Variants in HPSE2 observed in about 807,000 individuals in gnomAD.
HPSE2 encodes heparanase 2 (inactive).
Under a neutral mutation model 60.5 loss-of-function variants are expected in HPSE2, and 38 were observed. The ratio of observed to expected loss-of-function variants is 0.63; its 90% CI spans 0.48 to 0.82. HPSE2 has a LOEUF of 0.82. Ranked by LOEUF, HPSE2 falls within the 40% of genes least tolerant of loss-of-function variation. HPSE2 has a pLI of 0.00. For synonymous variants in HPSE2, 295 were observed against 293.2 expected (o/e 1.01, Z -0.06); for missense variants, 713 against 740.4 (o/e 0.96, Z 0.43).
At chr10:98,511,151 G>GT (rs898940946) in intron 9 of HPSE2, among the ~76,000 whole-genome samples, 1 of 147,460 alleles carries the variant, frequency 6.8e-6, no homozygotes, top group African/African-American at 2.5e-5. Context: ...GTTTGTTTTT[G>GT]TTTTTTGTTT....
At chr10:98,803,608 G>A (rs1290143430) in intron 3 of HPSE2, among the ~76,000 whole-genome samples, 1 of 151,768 alleles carries the variant, frequency 6.6e-6, no homozygotes, top group Non-Finnish European at 1.5e-5. Flanking sequence ...TTTTTCTCAG[G>A]TTTGTCAAAG....
At chr10:98,851,637 A>T (rs1952176163) in intron 3 of HPSE2, among the ~76,000 whole-genome samples, 1 of 152,162 alleles carries the variant, frequency 6.6e-6, no homozygotes, top group South Asian at 2.1e-4. Flanking sequence ...AATCTTCCTT[A>T]AAAAATTCCC....
intron 3 of HPSE2, among the ~76,000 whole-genome samples, chr10:99,049,391 T>C (rs778667278): frequency 3.3e-5 from 5 of 152,014 alleles, no homozygotes; most frequent in Non-Finnish European, 2.9e-5. Flanking sequence ...TCCAAAACGA[T>C]AAAATATAAA....
At chr10:98,590,297 G>A (rs998812929) in intron 9 of HPSE2, among the ~76,000 whole-genome samples, 25 of 152,106 alleles carry the variant, frequency 1.6e-4, no homozygotes, top group African/African-American at 5.8e-4. Context: ...AAAAAAATTA[G>A]CCAAGGGTGA....
chr10:99,235,716 C>CA lies in HPSE2; in HGVS notation c.86dup (p.Leu29PhefsTer36), dbSNP rs758984381. Reference sequence around the variant, plus strand: ...AAAGGGAGAGATGGAGCAACAGAGCCAAGTAGAGAGCCCCCGGGGCTAGGC... The same window carrying CA: ...AAAGGGAGAGATGGAGCAACAGAGCCAAAGTAGAGAGCCCCCGGGGCTAGGC... On this transcript the variant is annotated frameshift_variant, in exon 1 of 12. Transcript: ENST00000370552. LOFTEE classifies it high-confidence loss of function. 6.2e-7 allele frequency: 1 copy of CA among 1,613,860 alleles called. No homozygotes were observed. Among genetic ancestry groups the CA allele is most frequent in the Non-Finnish European group, 8.5e-7 (1 of 1,180,022 alleles).
At chr10:99,210,790 T>C (rs1199608330) in intron 2 of HPSE2, among the ~76,000 whole-genome samples, 2 of 152,180 alleles carry the variant, frequency 1.3e-5, no homozygotes, top group Non-Finnish European at 2.9e-5. Flanking sequence ...AAAGGCCATG[T>C]ATGACAAACT....
At chr10:98,630,577 C>A (rs1946342916) in intron 7 of HPSE2, among the ~76,000 whole-genome samples, 1 of 151,876 alleles carries the variant, frequency 6.6e-6, no homozygotes, top group Non-Finnish European at 1.5e-5. Flanking sequence ...AAGCCTATTT[C>A]AAATGTTATT....
At chr10:99,255,596 G>T in the HPSE2 span, among the ~76,000 whole-genome samples, 2 of 130,538 alleles carry the variant, frequency 1.5e-5, no homozygotes, top group Non-Finnish European at 3.5e-5. Flanking sequence ...ACACACACAC[G>T]ACTACAATAG....
At chr10:99,272,450 G>T in the HPSE2 span, among the ~76,000 whole-genome samples, 18 of 152,146 alleles carry the variant, frequency 1.2e-4, 1 homozygote, top group East Asian at 3.5e-3. Context: ...TAACTGAAAA[G>T]CTTCTGCACA....
At chr10:99,176,246 G>A (rs1175034047) in intron 2 of HPSE2, among the ~76,000 whole-genome samples, 1 of 152,112 alleles carries the variant, frequency 6.6e-6, no homozygotes, top group Non-Finnish European at 1.5e-5. Context: ...CTCCAGCAAG[G>A]AAACAAAACT....
chr10:98,599,895 C>T (rs1265121458), intron 9 of HPSE2, among the ~76,000 whole-genome samples: 1 of 152,160 alleles, frequency 6.6e-6, no homozygotes, highest in Non-Finnish European at 1.5e-5. Context: ...TACTCCCAGC[C>T]TTCTTTTTTG....
At chr10:99,098,249 A>G (rs956488761) in intron 3 of HPSE2, among the ~76,000 whole-genome samples, 2 of 152,208 alleles carry the variant, frequency 1.3e-5, no homozygotes, top group African/African-American at 4.8e-5. Context: ...CAAAACAACT[A>G]TTTACATAGA....
intron 3 of HPSE2, among the ~76,000 whole-genome samples, chr10:98,897,982 T>G (rs1953544026): frequency 6.6e-6 from 1 of 151,960 alleles, no homozygotes; most frequent in Non-Finnish European, 1.5e-5. Context: ...CAAAGAACTC[T>G]TAGAACTCAA....
intron 3 of HPSE2, among the ~76,000 whole-genome samples, chr10:98,953,859 C>A (rs1238959863): frequency 6.6e-6 from 1 of 152,170 alleles, no homozygotes; most frequent in Non-Finnish European, 1.5e-5. Flanking sequence ...GCTTCTTCAT[C>A]TTTAAACTGG....
intron 3 of HPSE2, among the ~76,000 whole-genome samples, chr10:99,123,043 G>T (rs1026221259): frequency 1.2e-4 from 19 of 152,098 alleles, no homozygotes; most frequent in African/African-American, 4.1e-4. Flanking sequence ...TTTAAAAACA[G>T]TGTAGACAAA....
In HPSE2 at chr10:98,574,046, C is replaced by A. The variant is rs116649758; in HGVS notation, c.1320+40858G>T. 4.1e-3 allele frequency among the ~76,000 whole-genome samples: 617 copies of A among 152,158 alleles called. 4 individuals carry two copies. The highest frequency in any genetic ancestry group is 0.014 in the African/African-American group (585 of 41,508). ...CATCCCTCAGCTCTCATCCCCCAAC[C>A]CCTTACCCCACCCCTCACGCCTAGG... On this transcript the variant is annotated intron_variant, in intron 9 of 11. Transcript: ENST00000370552.
intron 3 of HPSE2, among the ~76,000 whole-genome samples, chr10:99,009,841 C>G (rs1174241921): frequency 6.6e-6 from 1 of 152,038 alleles, no homozygotes; most frequent in African/African-American, 2.4e-5. Context: ...ATAGCAACTA[C>G]CATTAATTAT....
intron 3 of HPSE2, among the ~76,000 whole-genome samples, chr10:99,041,660 A>G (rs926464399): frequency 1.3e-5 from 2 of 152,168 alleles, no homozygotes; most frequent in African/African-American, 4.8e-5. Context: ...GGCCGCATCC[A>G]TAGTGCTGAG....
intron 3 of HPSE2, among the ~76,000 whole-genome samples, chr10:99,014,260 C>T (rs1269029225): frequency 2.0e-5 from 3 of 152,254 alleles, no homozygotes; most frequent in South Asian, 2.1e-4. Context: ...TGGCCTCCAG[C>T]TCCATCCATG....
Sources: allele counts gnomAD v4.1 joint callset (sites outside exome capture counted in the v4.1 genomes callset), GRCh38; gene constraint gnomAD v4.1.1; transcripts MANE v1.5; gene names NCBI Gene and HGNC (gene_info 2026-07-23, HGNC 2026-07-21).